Variants in TMEM182 observed in about 807,000 individuals in gnomAD.
The protein encoded by TMEM182 is transmembrane protein 182.
A neutral mutation model predicts 26.8 loss-of-function variants in TMEM182; 20 were observed. The ratio of observed to expected loss-of-function variants is 0.75; its 90% CI spans 0.53 to 1.09. TMEM182 has a LOEUF of 1.09. Among genes scored for constraint, TMEM182 ranks in the 50% least tolerant of loss-of-function variants. The pLI, the probability that TMEM182 is intolerant of heterozygous loss-of-function variation, is 0.00. For missense variants in TMEM182, 277 were observed against 275.5 expected, an observed-to-expected ratio of 1.01 and a Z score of -0.04; for synonymous variants, 109 against 102.2, an observed-to-expected ratio of 1.07 and a Z score of -0.40.
At chr2:102,804,143 T>C (rs1310594268) in intron 4 of TMEM182, among the ~76,000 whole-genome samples, 1 of 152,200 alleles carries the variant, frequency 6.6e-6, no homozygotes, top group African/African-American at 2.4e-5. Context: ...TTAGTTTCTT[T>C]TTTTATTATT....
intron 3 of TMEM182, among the ~76,000 whole-genome samples, chr2:102,794,303 T>A (rs1681774010): frequency 6.6e-6 from 1 of 152,210 alleles, no homozygotes; most frequent in South Asian, 2.1e-4. Flanking sequence ...TCTACTGTAT[T>A]ATGCTGATTT....
At chr2:102,842,914 G>A (rs1422582828) in intron 3 of TMEM182, among the ~76,000 whole-genome samples, 1 of 152,126 alleles carries the variant, frequency 6.6e-6, no homozygotes, top group Non-Finnish European at 1.5e-5. Flanking sequence ...CCCTTCCAGG[G>A]ATGCTGATGA....
intron 3 of TMEM182, chr2:102,797,644 A>G (rs1681925228): frequency 2.0e-6 from 1 of 508,336 alleles, no homozygotes; most frequent in Admixed American, 3.7e-5. Flanking sequence ...ACATTGAGCA[A>G]GAGGAGTTGA....
chr2:102,788,091 G>A (rs752830130), intron 3 of TMEM182, among the ~76,000 whole-genome samples: 58 of 152,074 alleles, frequency 3.8e-4, no homozygotes, highest in Admixed American at 1.9e-3. Flanking sequence ...CAAGGGTGGC[G>A]GTGGAGAATG....
At chr2:102,809,686 T>A (rs966291710) in intron 4 of TMEM182, among the ~76,000 whole-genome samples, 37 of 152,196 alleles carry the variant, frequency 2.4e-4, no homozygotes, top group Admixed American at 1.6e-3. Context: ...CTCATTTCCA[T>A]CCTCTGTTGA....
At chr2:102,741,188 A>C (rs370807765) in intron 1 of TMEM182, among the ~76,000 whole-genome samples, 11 of 152,364 alleles carry the variant, frequency 7.2e-5, no homozygotes, top group African/African-American at 2.6e-4. Flanking sequence ...AGTCAAGATC[A>C]GCTTACTGGG....
rs752540475 is a variant in TMEM182, at chr2:102,762,715, C to G, written c.232+29C>G. Reference sequence around the variant, plus strand: ...AGTACAATTTAGCTTTATTTTCCCTCTTGTCTGTAAAATAAAAATGAACAG... The same window carrying G: ...AGTACAATTTAGCTTTATTTTCCCTGTTGTCTGTAAAATAAAAATGAACAG... On this transcript the variant is annotated intron_variant, in intron 2 of 4. Transcript: ENST00000412401. The G allele has an allele frequency of 1.4e-4, 227 of 1,568,874 alleles. 1 individual carries two copies. Among genetic ancestry groups the G allele is most frequent in the Non-Finnish European group, 1.8e-4 (204 of 1,142,210 alleles).
At chr2:102,809,961 A>C (rs938308684) in intron 4 of TMEM182, among the ~76,000 whole-genome samples, 5 of 152,232 alleles carry the variant, frequency 3.3e-5, no homozygotes, top group Admixed American at 2.0e-4. Context: ...GTGTGGAAGC[A>C]TGACTAAAGG....
chr2:102,772,181 T>C lies in TMEM182; in HGVS notation c.331+7754T>C, dbSNP rs544479753. On this transcript the variant is annotated intron_variant, in intron 3 of 4. Coordinates refer to ENST00000412401, the MANE Select transcript of TMEM182 (RefSeq NM_144632.5). ...GGGCCTCTCTTATCTTGAAGCATTA[T>C]GGCTTCTGCCTGAAACTTTGGACCT... is the stretch of plus-strand genomic sequence containing the variant. 1.2e-4 allele frequency among the ~76,000 whole-genome samples: 18 copies of C among 152,322 alleles called. No individual in the cohort carries two copies. In the East Asian group the frequency reaches 3.3e-3, roughly 28 times the overall value.
chr2:102,751,112 T>C (rs2104639503), intron 1 of TMEM182, among the ~76,000 whole-genome samples: 1 of 152,218 alleles, frequency 6.6e-6, no homozygotes, highest in Non-Finnish European at 1.5e-5. Context: ...GACATGGACA[T>C]ACAAGGAGTG....
At chr2:102,808,196 G>A (rs1474677033) in intron 4 of TMEM182, among the ~76,000 whole-genome samples, 2 of 152,060 alleles carry the variant, frequency 1.3e-5, no homozygotes, top group Admixed American at 1.3e-4. Context: ...ATATTGCAGA[G>A]GCAAGTCTTT....
intron 1 of TMEM182, among the ~76,000 whole-genome samples, chr2:102,739,336 G>C (rs1679480792): frequency 6.6e-6 from 1 of 152,156 alleles, no homozygotes; most frequent in Admixed American, 6.5e-5. Context: ...AATACCCCAA[G>C]CTCAGTGTTC....
intron 3 of TMEM182, among the ~76,000 whole-genome samples, chr2:102,841,759 T>C (rs964667684): frequency 2.0e-5 from 3 of 152,230 alleles, no homozygotes; most frequent in Non-Finnish European, 1.5e-5. Context: ...TCTGACTGTT[T>C]GGACAGGTAG....
At chr2:102,746,858 A>T (rs1679715363) in intron 1 of TMEM182, among the ~76,000 whole-genome samples, 1 of 152,214 alleles carries the variant, frequency 6.6e-6, no homozygotes, top group African/African-American at 2.4e-5. Flanking sequence ...AAGTGCTGAG[A>T]TTACAGGTGT....
At chr2:102,743,285 A>T (rs1406532262) in intron 1 of TMEM182, among the ~76,000 whole-genome samples, 3 of 152,182 alleles carry the variant, frequency 2.0e-5, no homozygotes, top group East Asian at 3.9e-4. Flanking sequence ...AAAAATAAAT[A>T]TAATTTATAT....
intron 3 of TMEM182, among the ~76,000 whole-genome samples, chr2:102,786,358 G>T (rs1226233105): frequency 6.6e-6 from 1 of 152,030 alleles, no homozygotes; most frequent in Non-Finnish European, 1.5e-5. Context: ...GGGATTACAG[G>T]CGCCTGCCAC....
intron 3 of TMEM182, among the ~76,000 whole-genome samples, chr2:102,770,413 A>G (rs1680624774): frequency 6.6e-6 from 1 of 152,172 alleles, no homozygotes; most frequent in South Asian, 2.1e-4. Flanking sequence ...ACACTTCCAG[A>G]TCATCTGCTG....
chr2:102,812,941 T>C (rs1043868319), intron 4 of TMEM182, among the ~76,000 whole-genome samples: 45 of 152,320 alleles, frequency 3.0e-4, no homozygotes, highest in Admixed American at 1.7e-3. Flanking sequence ...AGACAACACA[T>C]GGAATTGCCA....
At position 102,751,918 on chromosome 2, in the gene TMEM182, C is replaced by G. The variant is rs147502322; in HGVS notation, c.-82-6471C>G. Among the ~76,000 whole-genome samples the G allele has an allele frequency of 1.2e-3, 186 of 152,240 alleles. 1 individual carries two copies. The highest frequency in any genetic ancestry group is 6.8e-3 in the Middle Eastern group (2 of 294). On this transcript the variant is annotated intron_variant, in intron 1 of 5. Coordinates refer to the TMEM182 transcript ENST00000409173. ...CCTGGCCTCAGGAGATCCTCGTACCCTGGCTTCCCAAAGTGCTGGGATGAC... is the reference window on the plus strand; with the variant it reads ...CCTGGCCTCAGGAGATCCTCGTACCGTGGCTTCCCAAAGTGCTGGGATGAC...
Sources: allele counts gnomAD v4.1 joint callset (sites outside exome capture counted in the v4.1 genomes callset), GRCh38; gene constraint gnomAD v4.1.1; transcripts MANE v1.5; gene names NCBI Gene and HGNC (gene_info 2026-07-23, HGNC 2026-07-21).